PDE3A: variants seen among roughly 807,000 people sequenced by gnomAD.
The protein encoded by PDE3A is cGMP-inhibited 3',5'-cyclic phosphodiesterase 3A.
A neutral mutation model predicts 98.3 loss-of-function variants in PDE3A; 43 were observed. The observed-to-expected ratio is 0.44, with a 90% CI of 0.34 to 0.56. The LOEUF (loss-of-function observed/expected upper bound fraction) is 0.56, where lower values mean the gene tolerates loss of function less well. Among genes scored for constraint, PDE3A ranks in the 20% least tolerant of loss-of-function variants. The pLI is 0.01. For missense variants in PDE3A, 1,427 were observed against 1,440.7 expected, an observed-to-expected ratio of 0.99 and a Z score of 0.15; for synonymous variants, 663 against 567.9, an observed-to-expected ratio of 1.17 and a Z score of -2.38.
At chr12:20,505,481 A>AG (rs995941810) in intron 1 of PDE3A, among the ~76,000 whole-genome samples, 5 of 152,062 alleles carry the variant, frequency 3.3e-5, no homozygotes, top group Non-Finnish European at 5.9e-5. Flanking sequence ...GGTCCTCTCA[A>AG]GGGGGCTCTT....
chr12:20,492,534 G>T (rs1945847277), intron 1 of PDE3A, among the ~76,000 whole-genome samples: 1 of 152,074 alleles, frequency 6.6e-6, no homozygotes, highest in Non-Finnish European at 1.5e-5. Flanking sequence ...CAACCTGGGT[G>T]CCCAAAAAGT....
intron 1 of PDE3A, among the ~76,000 whole-genome samples, chr12:20,509,701 A>T (rs746534907): frequency 6.6e-6 from 1 of 151,972 alleles, no homozygotes; most frequent in Non-Finnish European, 1.5e-5. Flanking sequence ...TGATATTTTA[A>T]TGTTTTCCTT....
At chr12:20,588,459 A>T (rs1482586088) in intron 2 of PDE3A, among the ~76,000 whole-genome samples, 1 of 152,202 alleles carries the variant, frequency 6.6e-6, no homozygotes, top group African/African-American at 2.4e-5. Flanking sequence ...GTGATCATTC[A>T]AAAAATATTC....
chr12:20,527,812 T>C (rs1418752281), intron 1 of PDE3A, among the ~76,000 whole-genome samples: 4 of 152,164 alleles, frequency 2.6e-5, no homozygotes, highest in Non-Finnish European at 5.9e-5. Context: ...CAAAACTTTT[T>C]TCCCCCCATT....
At chr12:20,487,026 T>G (rs1945738318) in intron 1 of PDE3A, among the ~76,000 whole-genome samples, 1 of 152,226 alleles carries the variant, frequency 6.6e-6, no homozygotes. Context: ...TCATAGTTTT[T>G]TAAAACTTTG....
chr12:20,589,517 AT>A (rs1852659633), intron 2 of PDE3A, among the ~76,000 whole-genome samples: 1 of 152,146 alleles, frequency 6.6e-6, no homozygotes, highest in Non-Finnish European at 1.5e-5. Flanking sequence ...TTATGCTGAG[AT>A]AAAAAGCAGC....
chr12:20,504,030 C>T (rs1946070622), intron 1 of PDE3A, among the ~76,000 whole-genome samples: 1 of 152,076 alleles, frequency 6.6e-6, no homozygotes, highest in Admixed American at 6.6e-5. Flanking sequence ...GAGGACTTCA[C>T]GTTGCATTCA....
chr12:20,572,919 TC>T (rs1480069878), intron 2 of PDE3A, among the ~76,000 whole-genome samples: 4 of 151,956 alleles, frequency 2.6e-5, no homozygotes, highest in African/African-American at 7.3e-5. Context: ...TATAATATCT[TC>T]CCCCCATACT....
At chr12:20,633,924 T>C (rs1723922989) in intron 7 of PDE3A, 146 bp downstream of exon 7, 1 of 549,192 alleles carries the variant, frequency 1.8e-6, no homozygotes, top group Non-Finnish European at 3.3e-6. Flanking sequence ...GGTCTCAAAC[T>C]CCTGGCCTCA....
chr12:20,552,300 C>T lies in PDE3A; in HGVS notation c.961-4360C>T. ...CCGCTGAGGGCAACCGCTACGATGGCATCTACAAGGTTGTGAAATACTGGC... is the reference window on the plus strand; with the variant it reads ...CCGCTGAGGGCAACCGCTACGATGGTATCTACAAGGTTGTGAAATACTGGC... On this transcript the variant is annotated intron_variant, in intron 1 of 15. Transcript: ENST00000359062. The surrounding 1 kb of genome is among the most constrained non-coding windows in gnomAD (Gnocchi z 5.1). 3 of 1,613,908 alleles carry T rather than the reference C, an allele frequency of 1.9e-6. No homozygotes were observed. The highest frequency in any genetic ancestry group is 2.5e-6 in the Non-Finnish European group (3 of 1,179,874).
intron 15 of PDE3A, among the ~76,000 whole-genome samples, chr12:20,673,201 C>G (rs1376956828): frequency 2.6e-5 from 4 of 152,156 alleles, no homozygotes; most frequent in African/African-American, 9.7e-5. Flanking sequence ...CAGGAAACCA[C>G]AGGTACTGGA....
intron 1 of PDE3A, among the ~76,000 whole-genome samples, chr12:20,416,802 A>G (rs545476149): frequency 4.6e-5 from 7 of 152,276 alleles, no homozygotes; most frequent in Non-Finnish European, 1.0e-4. Context: ...TACCTCACAC[A>G]TACATGGACT....
At chr12:20,644,110 TA>T (rs1944714833) in intron 10 of PDE3A, among the ~76,000 whole-genome samples, 1 of 152,182 alleles carries the variant, frequency 6.6e-6, no homozygotes, top group Admixed American at 6.5e-5. Flanking sequence ...CAGGAGAAGA[TA>T]ATTTAAGAAG....
At chr12:20,579,106 T>G (rs1412671492) in intron 2 of PDE3A, among the ~76,000 whole-genome samples, 2 of 152,202 alleles carry the variant, frequency 1.3e-5, no homozygotes, top group Non-Finnish European at 2.9e-5. Context: ...TCAGGCTTTG[T>G]TGGGAAACCC....
chr12:20,544,546 T>C (rs1390378521), intron 1 of PDE3A, among the ~76,000 whole-genome samples: 1 of 151,890 alleles, frequency 6.6e-6, no homozygotes, highest in Non-Finnish European at 1.5e-5. Context: ...AAATCTGATG[T>C]CTTTTCTTTC....
chr12:20,622,500 T>C (rs570024727), intron 5 of PDE3A, among the ~76,000 whole-genome samples: 11 of 152,278 alleles, frequency 7.2e-5, no homozygotes, highest in Admixed American at 2.6e-4. Context: ...TAATCTACTT[T>C]TCCAACAACT....
chr12:20,510,539 A>G (rs1048113472), intron 1 of PDE3A, among the ~76,000 whole-genome samples: 1 of 152,086 alleles, frequency 6.6e-6, no homozygotes, highest in African/African-American at 2.4e-5. Context: ...TTGAGTGTGT[A>G]TGCTGTGGAC....
rs149719708 is a variant in PDE3A at position 20,470,935 on chromosome 12, CTCTT to C, written c.961-85722_961-85719del. On this transcript the variant is annotated intron_variant, in intron 1 of 15. Coordinates refer to ENST00000359062, the MANE Select transcript of PDE3A (RefSeq NM_000921.5). ...GAAGAGACACCAGAGAGCTTGAACT[CTCTT>C]TCCATGTCCTCACATGTGAGGACAC... Among the ~76,000 whole-genome samples, 544 of 152,128 alleles carry C rather than the reference CTCTT, an allele frequency of 3.6e-3. 5 individuals are homozygous for C. The highest frequency in any genetic ancestry group is 0.012 in the African/African-American group (510 of 41,482).
intron 1 of PDE3A, among the ~76,000 whole-genome samples, chr12:20,372,148 G>A (rs8181710): frequency 0.028 from 4,267 of 152,150 alleles, 186 homozygotes; most frequent in East Asian, 0.19. Flanking sequence ...GGGTTTCTCT[G>A]GTTTAAATTG....
Sources: gnomAD v4.1 joint callset for allele counts (sites outside exome capture counted in the v4.1 genomes callset) on GRCh38, gnomAD v4.1.1 for gene constraint, Gnocchi (gnomAD v3.1) non-coding constraint, MANE v1.5 for transcripts, NCBI Gene and HGNC (gene_info 2026-07-23, HGNC 2026-07-21) for gene names.